CWC27: variants seen among roughly 807,000 people sequenced by gnomAD.
The protein encoded by CWC27 is CWC27 spliceosome associated cyclophilin.
Under a neutral mutation model 63.6 loss-of-function variants are expected in CWC27, and 47 were observed. That is an observed-to-expected ratio of 0.74 (90% CI 0.58 to 0.94). CWC27 has a LOEUF of 0.94. Among genes scored for constraint, CWC27 ranks in the 40% least tolerant of loss-of-function variants. CWC27 has a pLI of 0.00. For synonymous variants in CWC27, 175 were observed against 179.8 expected, an observed-to-expected ratio of 0.97 and a Z score of 0.22; for missense variants, 495 against 554.3, an observed-to-expected ratio of 0.89 and a Z score of 1.07.
intron 13 of CWC27, among the ~76,000 whole-genome samples, chr5:64,994,971 TTATGTG>T (rs1749604812): frequency 6.6e-6 from 1 of 152,062 alleles, no homozygotes; most frequent in South Asian, 2.1e-4. Flanking sequence ...TTGTCTACTC[TTATGTG>T]TATATCTTTT....
chr5:64,881,564 T>C (rs940973565), intron 10 of CWC27, among the ~76,000 whole-genome samples: 1 of 152,164 alleles, frequency 6.6e-6, no homozygotes, highest in Non-Finnish European at 1.5e-5. Flanking sequence ...TGAACATGTC[T>C]TGTGTGCTCA....
chr5:64,947,762 T>C (rs1190042222), intron 11 of CWC27, among the ~76,000 whole-genome samples: 1 of 152,048 alleles, frequency 6.6e-6, no homozygotes, highest in African/African-American at 2.4e-5. Context: ...TAGAAAGAAA[T>C]CTGGCATTAC....
At chr5:64,782,469 A>AATAAATAG (rs1554067448) in intron 3 of CWC27, among the ~76,000 whole-genome samples, 1 of 151,584 alleles carries the variant, frequency 6.6e-6, no homozygotes, top group Non-Finnish European at 1.5e-5. Flanking sequence ...TAAATAAATA[A>AATAAATAG]ATAAATAAAT....
chr5:64,829,641 CTTTTT>C (rs564183984), intron 10 of CWC27, among the ~76,000 whole-genome samples: 1 of 126,264 alleles, frequency 7.9e-6, no homozygotes. Context: ...CTTTTATTCA[CTTTTT>C]TTTTTTTTTT....
intron 11 of CWC27, among the ~76,000 whole-genome samples, chr5:64,964,368 G>A (rs534646439): frequency 6.6e-6 from 1 of 152,126 alleles, no homozygotes; most frequent in South Asian, 2.1e-4. Context: ...ATTGCTTTTG[G>A]GAAATTCTAA....
intron 10 of CWC27, among the ~76,000 whole-genome samples, chr5:64,820,506 C>A (rs1224720772): frequency 6.6e-6 from 1 of 151,480 alleles, no homozygotes; most frequent in African/African-American, 2.4e-5. Flanking sequence ...ATATGTGAAC[C>A]AATATCTAGA....
intron 7 of CWC27, among the ~76,000 whole-genome samples, chr5:64,792,005 G>T (rs780451584): frequency 2.6e-5 from 4 of 151,984 alleles, no homozygotes; most frequent in African/African-American, 4.8e-5. Flanking sequence ...CTATAGACCA[G>T]TTTCCCATCT....
intron 11 of CWC27, among the ~76,000 whole-genome samples, chr5:64,966,280 G>C (rs923458203): frequency 1.3e-5 from 2 of 152,006 alleles, no homozygotes; most frequent in African/African-American, 4.8e-5. Flanking sequence ...GAAAGAGAAA[G>C]AAAAACAAGC....
chr5:64,837,072 C>T (rs1745676837), intron 10 of CWC27, among the ~76,000 whole-genome samples: 1 of 152,094 alleles, frequency 6.6e-6, no homozygotes, highest in Admixed American at 6.6e-5. Flanking sequence ...TGCAGTAAGA[C>T]ATTTGTGGGT....
chr5:64,909,493 T>C (rs1226740538), intron 11 of CWC27, among the ~76,000 whole-genome samples: 3 of 152,208 alleles, frequency 2.0e-5, no homozygotes, highest in Admixed American at 6.5e-5. Context: ...CCTTGCTAGA[T>C]TGGGGAAGTT....
chr5:64,918,957 G>C lies in CWC27; in HGVS notation c.1042+33411G>C, dbSNP rs1005141513. On this transcript the variant is annotated intron_variant, in intron 11 of 13. Transcript: ENST00000381070. ...CCTTCAAGATTATTGAAAATGAATGGTGTTATATAAATGTCATGTTGTTTC... is the reference window on the plus strand; with the variant it reads ...CCTTCAAGATTATTGAAAATGAATGCTGTTATATAAATGTCATGTTGTTTC... 2.0e-5 allele frequency among the ~76,000 whole-genome samples: 3 copies of C among 152,250 alleles called. No homozygotes were observed. The South Asian group carries it at 6.2e-4, about 32-fold the overall frequency.
chr5:65,005,105 C>G (rs1749818753), intron 13 of CWC27, among the ~76,000 whole-genome samples: 1 of 151,580 alleles, frequency 6.6e-6, no homozygotes, highest in Non-Finnish European at 1.5e-5. Context: ...ATAGGCACAC[C>G]AGGTGGGTTG....
chr5:64,999,144 T>A (rs1017031754), intron 13 of CWC27, among the ~76,000 whole-genome samples: 2 of 152,120 alleles, frequency 1.3e-5, no homozygotes, highest in African/African-American at 4.8e-5. Context: ...GTTACTGTGA[T>A]CTCTACTATC....
intron 11 of CWC27, among the ~76,000 whole-genome samples, chr5:64,924,051 C>T (rs1275653647): frequency 3.9e-5 from 6 of 152,180 alleles, no homozygotes; most frequent in Non-Finnish European, 8.8e-5. Context: ...CTAACTGCAT[C>T]ACTCACCATC....
chr5:64,832,311 C>T (rs1197255154), intron 10 of CWC27, among the ~76,000 whole-genome samples: 3 of 151,734 alleles, frequency 2.0e-5, no homozygotes, highest in Admixed American at 6.6e-5. Context: ...TCAAAAACAT[C>T]TTTCAGTGTT....
chr5:64,805,510 G>A (rs1007833513), intron 10 of CWC27, among the ~76,000 whole-genome samples: 3 of 151,722 alleles, frequency 2.0e-5, no homozygotes, highest in African/African-American at 7.3e-5. Context: ...GATACATAAT[G>A]TTTTATTCCT....
chr5:64,775,025 C>T (rs887848960), intron 2 of CWC27, among the ~76,000 whole-genome samples: 1 of 152,196 alleles, frequency 6.6e-6, no homozygotes, highest in African/African-American at 2.4e-5. Flanking sequence ...CTGTGATCCT[C>T]TTTGGTCTTC....
chr5:64,789,912 C>T (rs963668845), intron 7 of CWC27, among the ~76,000 whole-genome samples: 3 of 152,052 alleles, frequency 2.0e-5, no homozygotes, highest in African/African-American at 7.3e-5. Flanking sequence ...TTCTTACCAA[C>T]TCTAACAATA....
At chr5:64,826,076 A>AATCTGTCTGTCTATCTATCT (rs1554070973) in intron 10 of CWC27, among the ~76,000 whole-genome samples, 3 of 148,316 alleles carry the variant, frequency 2.0e-5, no homozygotes, top group African/African-American at 5.0e-5. Context: ...CTTTGTAATA[A>AATCTGTCTGTCTATCTATCT]ATCTATCTAT....
Sources: gnomAD v4.1 joint callset for allele counts (sites outside exome capture counted in the v4.1 genomes callset) on GRCh38, gnomAD v4.1.1 for gene constraint, MANE v1.5 for transcripts, NCBI Gene and HGNC (gene_info 2026-07-23, HGNC 2026-07-21) for gene names.